Variants in STON1 observed in about 807,000 individuals in gnomAD.
The protein encoded by STON1 is stonin-1.
Under a neutral mutation model 60.9 loss-of-function variants are expected in STON1, and 79 were observed. That is an observed-to-expected ratio of 1.30 (90% CI 1.08 to 1.56). STON1 has a LOEUF of 1.56. Among genes scored for constraint, STON1 ranks in the 40% most tolerant of loss-of-function variants. The pLI, the probability that STON1 is intolerant of heterozygous loss-of-function variation, is 0.00. For synonymous variants in STON1, 363 were observed against 306.9 expected (o/e 1.18, Z -1.91); for missense variants, 1,166 against 858.9 (o/e 1.36, Z -4.47).
At chr2:48,574,833 C>T (rs1214892659) in intron 1 of STON1, among the ~76,000 whole-genome samples, 1 of 152,144 alleles carries the variant, frequency 6.6e-6, no homozygotes, top group Non-Finnish European at 1.5e-5. Context: ...TGAGTTGATT[C>T]AAATGTATTT....
At chr2:48,544,737 G>A (rs926431706) in intron 1 of STON1, among the ~76,000 whole-genome samples, 1 of 131,538 alleles carries the variant, frequency 7.6e-6, no homozygotes, top group Non-Finnish European at 1.8e-5. Context: ...GTAGAAACAG[G>A]GGTTTCACCG....
At chr2:48,531,244 C>G (rs983167818) in intron 1 of STON1, 2 of 152,198 alleles carry the variant, frequency 1.3e-5, no homozygotes, top group Non-Finnish European at 2.9e-5. Flanking sequence ...GTATTCCCAG[C>G]CTGGCATTCC....
chr2:48,579,237 T>G (rs1463556757), intron 1 of STON1, among the ~76,000 whole-genome samples: 1 of 151,980 alleles, frequency 6.6e-6, no homozygotes, highest in African/African-American at 2.4e-5. Flanking sequence ...ACTCCTGACC[T>G]CAGGTGATCT....
At chr2:48,549,511 T>C (rs1048639995) in intron 1 of STON1, among the ~76,000 whole-genome samples, 2 of 152,022 alleles carry the variant, frequency 1.3e-5, no homozygotes, top group Admixed American at 6.6e-5. Context: ...GGTTTGTCAG[T>C]GGTTCAAGAA....
At chr2:48,557,947 G>A (rs1053257687) in intron 1 of STON1, among the ~76,000 whole-genome samples, 1 of 152,206 alleles carries the variant, frequency 6.6e-6, no homozygotes, top group Non-Finnish European at 1.5e-5. Flanking sequence ...AATCTGTCAG[G>A]TGCGGTGGCT....
At chr2:48,544,466 T>C (rs11677350) in intron 1 of STON1, among the ~76,000 whole-genome samples, 10,745 of 152,302 alleles carry the variant, frequency 0.071, 542 homozygotes, top group Non-Finnish European at 0.11. Context: ...ATTTTCTTCC[T>C]AGCTTATGGT....
chr2:48,567,075 G>A lies in STON1; in HGVS notation c.-47-13512G>A, dbSNP rs566635961. 2.2e-4 allele frequency among the ~76,000 whole-genome samples: 34 copies of A among 152,324 alleles called. No individual in the cohort carries two copies. The South Asian group carries it at 6.6e-3, about 30-fold the overall frequency. ...AAAATGAAGGTTAAATGCCGTAGGG[G>A]AGGGGCAGTGTTAGGGAATTGAGCT... On this transcript the variant is annotated intron_variant, in intron 1 of 3. Coordinates refer to ENST00000404752, the MANE Select transcript of STON1 (RefSeq NM_006873.4).
At position 48,554,714 on chromosome 2, in the gene STON1, T is replaced by TATTTATTTATTTATTTATTTA. The variant is rs1553357117; in HGVS notation, c.-48+24498_-48+24499insATTTATTTATTTATTTATTTA. On this transcript the variant is annotated intron_variant, in intron 1 of 3. Coordinates refer to ENST00000404752, the MANE Select transcript of STON1 (RefSeq NM_006873.4). ...TCAAACTTTAAGTGCAAAATTTTTT[T>TATTTATTTATTTATTTATTTA]TTTTTTTTTTTATTTATTTATTTAT... Among the ~76,000 whole-genome samples the TATTTATTTATTTATTTATTTA allele has an allele frequency of 8.3e-5, 5 of 60,486 alleles. 1 individual carries two copies. The highest frequency in any genetic ancestry group is 2.8e-4 in the African/African-American group (5 of 17,844). The allele number at this position is 60,486 out of a possible 152,430, so 39.7% of individuals were successfully genotyped here.
intron 1 of STON1, among the ~76,000 whole-genome samples, chr2:48,543,618 G>A (rs1671748922): frequency 7.3e-6 from 1 of 137,336 alleles, no homozygotes; most frequent in African/African-American, 2.8e-5. Context: ...TGCAACCTTT[G>A]CCTCCTGGGT....
At chr2:48,589,311 T>A (rs556512396) in intron 2 of STON1, among the ~76,000 whole-genome samples, 21 of 152,278 alleles carry the variant, frequency 1.4e-4, no homozygotes, top group Admixed American at 4.6e-4. Context: ...ACATTCCCCG[T>A]CCTAAGAAAA....
At position 48,530,160 on chromosome 2, in the gene STON1, C is replaced by T. The variant is rs1212895486; in HGVS notation, c.-104C>T. 5 of 410,302 alleles carry T rather than the reference C, an allele frequency of 1.2e-5. No homozygotes were observed. Among genetic ancestry groups the T allele is most frequent in the Non-Finnish European group, 2.4e-5 (5 of 208,944 alleles). 25.4% of individuals were successfully genotyped at this position (410,302 alleles called of 1,614,324 possible). ...CCCCCTCCTCCTCCCCCTCCTCTTC[C>T]TCCGCCTCCTGGTGTGGCTGGCTGC... On this transcript the variant is annotated 5_prime_UTR_variant, in exon 1 of 4. Coordinates refer to ENST00000404752, the MANE Select transcript of STON1 (RefSeq NM_006873.4).
intron 1 of STON1, among the ~76,000 whole-genome samples, chr2:48,565,724 G>C (rs762940810): frequency 6.6e-6 from 1 of 152,168 alleles, no homozygotes; most frequent in South Asian, 2.1e-4. Flanking sequence ...TGTTCTAAAG[G>C]CTAGAGTAGG....
chr2:48,583,077 G>T (rs894813329), intron 2 of STON1, among the ~76,000 whole-genome samples: 1 of 152,086 alleles, frequency 6.6e-6, no homozygotes, highest in African/African-American at 2.4e-5. Context: ...CACCCATTTG[G>T]TCATCTCAAC....
intron 1 of STON1, among the ~76,000 whole-genome samples, chr2:48,563,133 C>A (rs1672676965): frequency 6.6e-6 from 1 of 152,220 alleles, no homozygotes; most frequent in Non-Finnish European, 1.5e-5. Flanking sequence ...AGAGTGCACA[C>A]TGGGCATCCT....
chr2:48,542,662 T>G (rs988594273), intron 1 of STON1, among the ~76,000 whole-genome samples: 1 of 152,158 alleles, frequency 6.6e-6, no homozygotes, highest in African/African-American at 2.4e-5. Context: ...TCCAGCACTT[T>G]GGGAGGCCGA....
At chr2:48,577,988 A>G (rs1673616860) in intron 1 of STON1, among the ~76,000 whole-genome samples, 1 of 141,984 alleles carries the variant, frequency 7.0e-6, no homozygotes, top group South Asian at 2.3e-4. Context: ...TCTTTTATCT[A>G]TTTTTTTTTT....
At chr2:48,586,039 G>A (rs892494095) in intron 2 of STON1, among the ~76,000 whole-genome samples, 4 of 152,228 alleles carry the variant, frequency 2.6e-5, no homozygotes, top group African/African-American at 9.6e-5. Context: ...CTTAGAGCAG[G>A]TGCTCCGGGA....
chr2:48,580,011 A>G (rs1469306737), intron 1 of STON1, among the ~76,000 whole-genome samples: 4 of 152,172 alleles, frequency 2.6e-5, no homozygotes, highest in Admixed American at 6.5e-5. Flanking sequence ...GGTTCAAGAG[A>G]TTCTCCTGAC....
At chr2:48,559,891 A>G (rs891269875) in intron 1 of STON1, among the ~76,000 whole-genome samples, 4 of 152,146 alleles carry the variant, frequency 2.6e-5, no homozygotes, top group Non-Finnish European at 5.9e-5. Flanking sequence ...CCCAGCATCC[A>G]ATGGTAGAGA....
Sources: allele counts gnomAD v4.1 joint callset (sites outside exome capture counted in the v4.1 genomes callset), GRCh38; gene constraint gnomAD v4.1.1; transcripts MANE v1.5; gene names NCBI Gene and HGNC (gene_info 2026-07-23, HGNC 2026-07-21).